The following DOCK11 variants were observed in gnomAD, a reference collection of about 807,000 sequenced individuals.
DOCK11 encodes the protein dedicator of cytokinesis 11.
DOCK11 carries 70 observed loss-of-function variants against 169.1 expected under a neutral mutation model. The observed-to-expected ratio is 0.41, with a 90% CI of 0.34 to 0.51. The LOEUF is 0.51. DOCK11 is among the 20% of genes least tolerant of loss of function. The pLI, the probability that DOCK11 is intolerant of heterozygous loss-of-function variation, is 0.10. For missense variants in DOCK11, 1,166 were observed against 1,538.8 expected (o/e 0.76, Z 4.05); for synonymous variants, 529 against 541.3 (o/e 0.98, Z 0.32).
chrX:118,601,840 T>TA (rs1275032036), intron 23 of DOCK11, among the ~76,000 whole-genome samples: 4 of 111,282 alleles, frequency 3.6e-5, no homozygotes, highest in Admixed American at 9.5e-5. Flanking sequence ...TGCAGTGGCG[T>TA]AATCTCAGCT....
chrX:118,609,034 G>A (rs758499223), intron 26 of DOCK11, among the ~76,000 whole-genome samples: 1 of 111,927 alleles, frequency 8.9e-6, no homozygotes, highest in East Asian at 2.8e-4. Flanking sequence ...CAATTTTGGG[G>A]ATAAAATACT....
chrX:118,649,524 T>G (rs2015896684), intron 41 of DOCK11, among the ~76,000 whole-genome samples: 1 of 111,618 alleles, frequency 9.0e-6, no homozygotes, highest in Non-Finnish European at 1.9e-5. Flanking sequence ...TATTTTATTT[T>G]ATTTTATTTT....
intron 1 of DOCK11, among the ~76,000 whole-genome samples, chrX:118,509,356 G>A (rs757343217): frequency 9.0e-6 from 1 of 110,785 alleles, no homozygotes; most frequent in African/African-American, 3.3e-5. Flanking sequence ...TCTGCTTCCC[G>A]TGTTCAAGTG....
rs765008919 is a variant in DOCK11 at position 118,568,144 on chromosome X, T to A, written c.1017T>A (p.Ser339=). 8.6e-7 allele frequency: 1 copy of A among 1,159,413 alleles called. No homozygotes were observed. Among genetic ancestry groups the A allele is most frequent in the Non-Finnish European group, 1.2e-6 (1 of 863,725 alleles). The change falls in exon 10 of 53, where the codon TCT becomes TCA. Residue 339 remains serine, a synonymous_variant. Transcript: ENST00000276202. ...GAGATGGAAGACAGAATCTCTTTTC[T>A]TTTGATTCAGAAGTTCAGGTATTAA... is the stretch of plus-strand genomic sequence containing the variant. The part of the protein sequence containing the change: ...SRGDGRQNLF[S]FDSEVQRLDF...
chrX:118,529,775 G>T (rs2011465879), intron 1 of DOCK11, among the ~76,000 whole-genome samples: 1 of 111,277 alleles, frequency 9.0e-6, no homozygotes, highest in African/African-American at 3.3e-5. Flanking sequence ...TACTTGGGTA[G>T]ATAAGGCAGC....
At chrX:118,682,631 GTCA>G (rs2016771493) in intron 51 of DOCK11, among the ~76,000 whole-genome samples, 1 of 112,294 alleles carries the variant, frequency 8.9e-6, no homozygotes, top group Non-Finnish European at 1.9e-5. Context: ...TTTATGATAG[GTCA>G]TCAACTTTCT....
In DOCK11 at chrX:118,568,132, G is replaced by A. The variant is rs149921668; in HGVS notation, c.1005G>A (p.Gln335=). 2.5e-5 allele frequency: 29 copies of A among 1,160,808 alleles called. No homozygotes were observed. In the African/African-American group the frequency reaches 5.3e-4, roughly 21 times the overall value. The change falls in exon 10 of 53, where the codon CAG becomes CAA. Residue 335 remains glutamine (Q), a synonymous_variant. Transcript: ENST00000276202. ...LNKLSRGDGR[Q]NLFSFDSEVQ... Reference sequence around the variant, plus strand: ...AACTCAGTAGAGGAGATGGAAGACAGAATCTCTTTTCTTTTGATTCAGAAG... The same window carrying A: ...AACTCAGTAGAGGAGATGGAAGACAAAATCTCTTTTCTTTTGATTCAGAAG...
At chrX:118,581,273 T>C (rs1319396580) in intron 14 of DOCK11, among the ~76,000 whole-genome samples, 1 of 111,567 alleles carries the variant, frequency 9.0e-6, no homozygotes, top group African/African-American at 3.3e-5. Flanking sequence ...CATTTCATTT[T>C]GGGCAAGGTC....
chrX:118,550,048 T>C (rs2012439650), intron 6 of DOCK11, among the ~76,000 whole-genome samples: 1 of 112,093 alleles, frequency 8.9e-6, no homozygotes, highest in Admixed American at 9.5e-5. Context: ...AGCAGTAGTG[T>C]TGTATTTCAG....
intron 29 of DOCK11, among the ~76,000 whole-genome samples, chrX:118,615,216 C>CAA (rs2014780261): frequency 8.9e-6 from 1 of 112,023 alleles, no homozygotes; most frequent in South Asian, 3.7e-4. Context: ...GTTTAAAACT[C>CAA]AGAGTTGAGA....
chrX:118,670,123 T>C (rs1450347946), intron 45 of DOCK11, among the ~76,000 whole-genome samples: 1 of 111,848 alleles, frequency 8.9e-6, no homozygotes, highest in Non-Finnish European at 1.9e-5. Flanking sequence ...TAACAGACAA[T>C]AAAGTCAAAA....
At chrX:118,592,098 T>G (rs767563549) in intron 19 of DOCK11, among the ~76,000 whole-genome samples, 2 of 108,701 alleles carry the variant, frequency 1.8e-5, no homozygotes, top group South Asian at 8.2e-4. Context: ...AACATACATG[T>G]GCATGTGTCT....
chrX:118,526,679 G>C (rs1333734680), intron 1 of DOCK11, among the ~76,000 whole-genome samples: 2 of 112,245 alleles, frequency 1.8e-5, no homozygotes, highest in Non-Finnish European at 3.8e-5. Context: ...AAGAGGAAAA[G>C]GCTCATTGAT....
intron 6 of DOCK11, among the ~76,000 whole-genome samples, chrX:118,558,113 C>T (rs1373148244): frequency 2.8e-5 from 3 of 108,287 alleles, no homozygotes; most frequent in South Asian, 8.3e-4. Context: ...GCTGGGATTA[C>T]AGGGGTGCGC....
At chrX:118,523,558 C>T (rs772414114) in intron 1 of DOCK11, among the ~76,000 whole-genome samples, 5 of 111,875 alleles carry the variant, frequency 4.5e-5, no homozygotes, top group Non-Finnish European at 7.5e-5. Context: ...GTTTACAGGA[C>T]CTGCACTGTG....
chrX:118,501,666 C>T (rs1360301470), intron 1 of DOCK11, among the ~76,000 whole-genome samples: 3 of 111,630 alleles, frequency 2.7e-5, no homozygotes, highest in African/African-American at 6.5e-5. Context: ...ATTGCCAAAT[C>T]GTCCCCTTAG....
chrX:118,675,693 T>C (rs1239351557), intron 46 of DOCK11, among the ~76,000 whole-genome samples: 1 of 106,929 alleles, frequency 9.4e-6, no homozygotes, highest in African/African-American at 3.4e-5. Context: ...TATCCCCCCT[T>C]TTTTTTTTAG....
chrX:118,566,390 A>T (rs1174332315), intron 8 of DOCK11, among the ~76,000 whole-genome samples, 184 bp from the exon 9 acceptor site: 1 of 112,162 alleles, frequency 8.9e-6, no homozygotes, highest in African/African-American at 3.2e-5. Context: ...AGACTAAAAC[A>T]GATAGAAAAT....
intron 1 of DOCK11, among the ~76,000 whole-genome samples, chrX:118,521,058 G>A (rs190954070): frequency 3.3e-4 from 37 of 111,415 alleles, no homozygotes; most frequent in Non-Finnish European, 7.0e-4. Context: ...CTCAGGTTCC[G>A]GTCTCTCATT....
Sources: allele counts gnomAD v4.1 joint callset (sites outside exome capture counted in the v4.1 genomes callset), GRCh38; gene constraint gnomAD v4.1.1; transcripts MANE v1.5; gene names NCBI Gene and HGNC (gene_info 2026-07-23, HGNC 2026-07-21).